Variants in ACVR2A observed in about 807,000 individuals in gnomAD.
ACVR2A encodes the protein activin receptor type-2A.
In ACVR2A, 7 loss-of-function variants were observed where a neutral mutation model predicts 61.4. The observed-to-expected ratio is 0.11, with a 90% CI of 0.06 to 0.21. The LOEUF (loss-of-function observed/expected upper bound fraction) is 0.21, where lower values mean the gene tolerates loss of function less well. ACVR2A is among the 10% of genes least tolerant of loss of function. The pLI is 1.00. For synonymous variants in ACVR2A, 193 were observed against 208.3 expected (o/e 0.93, Z 0.63); for missense variants, 322 against 621.7 (o/e 0.52, Z 5.13).
intron 1 of ACVR2A, among the ~76,000 whole-genome samples, chr2:147,874,810 TGTG>T (rs1686114215): frequency 6.6e-6 from 1 of 151,932 alleles, no homozygotes; most frequent in Admixed American, 6.6e-5. Context: ...GTAGGATTGT[TGTG>T]GGGGATGAAA....
chr2:147,887,796 C>T (rs966122796), intron 1 of ACVR2A, among the ~76,000 whole-genome samples: 3 of 152,140 alleles, frequency 2.0e-5, no homozygotes, highest in Admixed American at 1.3e-4. Flanking sequence ...ATATAGACAA[C>T]TGATTTAAAA....
intron 1 of ACVR2A, among the ~76,000 whole-genome samples, chr2:147,856,700 T>C (rs1685582532): frequency 6.6e-6 from 1 of 152,132 alleles, no homozygotes; most frequent in South Asian, 2.1e-4. Flanking sequence ...AGATAACATA[T>C]ACAAGACGGA....
chr2:147,887,778 A>G (rs1686478290), intron 1 of ACVR2A, among the ~76,000 whole-genome samples: 1 of 152,168 alleles, frequency 6.6e-6, no homozygotes, highest in Admixed American at 6.5e-5. Context: ...TGACATGTAG[A>G]AGAACGTATA....
intron 4 of ACVR2A, among the ~76,000 whole-genome samples, chr2:147,910,063 A>T (rs1687078082): frequency 6.6e-6 from 1 of 152,018 alleles, no homozygotes; most frequent in Non-Finnish European, 1.5e-5. Context: ...TTAAGCAAAC[A>T]TATGTGGTTA....
At chr2:147,867,445 C>A (rs1685890700) in intron 1 of ACVR2A, among the ~76,000 whole-genome samples, 1 of 152,200 alleles carries the variant, frequency 6.6e-6, no homozygotes, top group South Asian at 2.1e-4. Flanking sequence ...AAAATCCAAG[C>A]AATTACTAAG....
At chr2:147,901,756 T>C (rs892079114) in intron 4 of ACVR2A, among the ~76,000 whole-genome samples, 3 of 152,046 alleles carry the variant, frequency 2.0e-5, no homozygotes, top group Admixed American at 2.0e-4. Flanking sequence ...CAGGCCTGAC[T>C]TTATGCTTTC....
intron 1 of ACVR2A, among the ~76,000 whole-genome samples, chr2:147,879,444 T>C (rs1192125954): frequency 6.6e-6 from 1 of 152,208 alleles, no homozygotes; most frequent in Non-Finnish European, 1.5e-5. Flanking sequence ...AATTTCAACA[T>C]AAATTTTGGA....
At chr2:147,908,207 T>C (rs1022106184) in intron 4 of ACVR2A, among the ~76,000 whole-genome samples, 11 of 152,086 alleles carry the variant, frequency 7.2e-5, no homozygotes, top group African/African-American at 2.4e-4. Context: ...TATTTTCTGG[T>C]TTTTTCAGCT....
intron 1 of ACVR2A, among the ~76,000 whole-genome samples, chr2:147,880,084 AG>A (rs2105169087): frequency 6.6e-6 from 1 of 152,312 alleles, no homozygotes; most frequent in African/African-American, 2.4e-5. Context: ...CTTTATGACT[AG>A]TATGAATTCC....
intron 1 of ACVR2A, among the ~76,000 whole-genome samples, chr2:147,874,736 A>G (rs189162841): frequency 6.6e-5 from 10 of 152,112 alleles, no homozygotes; most frequent in African/African-American, 2.4e-4. Flanking sequence ...TGAATCTACT[A>G]CGCACTGTGT....
At chr2:147,906,354 G>C (rs1006110380) in intron 4 of ACVR2A, among the ~76,000 whole-genome samples, 1 of 152,160 alleles carries the variant, frequency 6.6e-6, no homozygotes, top group African/African-American at 2.4e-5. Flanking sequence ...TATGGTAAAA[G>C]TGGCACGAGG....
At chr2:147,861,408 A>G (rs1685725144) in intron 1 of ACVR2A, among the ~76,000 whole-genome samples, 1 of 152,174 alleles carries the variant, frequency 6.6e-6, no homozygotes, top group African/African-American at 2.4e-5. Context: ...TAATATTTTC[A>G]ATTATGTAGT....
At chr2:147,910,733 A>C (rs1025482722) in intron 4 of ACVR2A, among the ~76,000 whole-genome samples, 1 of 152,090 alleles carries the variant, frequency 6.6e-6, no homozygotes, top group Non-Finnish European at 1.5e-5. Flanking sequence ...GACTGGAAAA[A>C]TGAAAATCCT....
chr2:147,905,962 A>C (rs1390234228), intron 4 of ACVR2A, among the ~76,000 whole-genome samples: 1 of 152,156 alleles, frequency 6.6e-6, no homozygotes, highest in East Asian at 1.9e-4. Flanking sequence ...ACTTCTGTTT[A>C]AATTTTGAAA....
Position 147,918,400 on chromosome 2 carries a change from T to TG in ACVR2A, c.817-45dup, listed in dbSNP as rs138413015. 729 of 1,552,842 alleles carry TG rather than the reference T, an allele frequency of 4.7e-4. 2 individuals carry two copies. In the African/African-American group the frequency reaches 9.2e-3, roughly 19 times the overall value. On this transcript the variant is annotated intron_variant, in intron 6 of 10. Coordinates refer to ENST00000241416, the MANE Select transcript of ACVR2A (RefSeq NM_001616.5). ...AAAAAGAAAAGTCTCCTTATACATATGGCCTTTGTCAAGAACATAAGTTTC... is the reference window on the plus strand; with the variant it reads ...AAAAAGAAAAGTCTCCTTATACATATGGGCCTTTGTCAAGAACATAAGTTTC...
intron 1 of ACVR2A, among the ~76,000 whole-genome samples, chr2:147,848,931 A>G (rs1685384571): frequency 6.6e-6 from 1 of 152,152 alleles, no homozygotes; most frequent in Admixed American, 6.5e-5. Flanking sequence ...TTACAAGTAC[A>G]TGGTATTGAT....
In ACVR2A at chr2:147,928,965, G is replaced by A. The variant is rs531667896; in HGVS notation, c.*1691G>A. The A allele has an allele frequency of 6.6e-6, 1 of 152,372 alleles. No homozygotes were observed. Among genetic ancestry groups the A allele is most frequent in the African/African-American group, 2.4e-5 (1 of 41,400 alleles). The allele number at this position is 152,372 out of a possible 1,614,324, so 9.4% of individuals were successfully genotyped here. A position where few individuals can be genotyped will look rare whatever the true frequency, so the allele number is the denominator to read the frequency against. ...TCACTGTCAGGAGCTCACTGTGAAT[G>A]TGTTGTCTTCAAATGGTTATTTAAC... On this transcript the variant is annotated 3_prime_UTR_variant, in exon 11 of 11. Transcript: ENST00000241416.
intron 1 of ACVR2A, among the ~76,000 whole-genome samples, chr2:147,894,598 C>G (rs373204686): frequency 7.2e-5 from 11 of 152,160 alleles, no homozygotes; most frequent in South Asian, 2.1e-4. Context: ...TTAAAAGTCA[C>G]ATTTATTGAT....
chr2:147,907,322 A>G (rs552355389), intron 4 of ACVR2A, among the ~76,000 whole-genome samples: 2 of 152,218 alleles, frequency 1.3e-5, no homozygotes, highest in South Asian at 4.1e-4. Flanking sequence ...TGTCTTTATA[A>G]TAGAATGATT....
Sources: allele counts gnomAD v4.1 joint callset (sites outside exome capture counted in the v4.1 genomes callset), GRCh38; gene constraint gnomAD v4.1.1; transcripts MANE v1.5; gene names NCBI Gene and HGNC (gene_info 2026-07-23, HGNC 2026-07-21).